The following PIP5K1B variants were observed in gnomAD, a reference collection of about 807,000 sequenced individuals.
The protein encoded by PIP5K1B is phosphatidylinositol-4-phosphate 5-kinase type 1 beta, also known as phosphatidylinositol 4-phosphate 5-kinase type-1 beta.
In PIP5K1B, 42 loss-of-function variants were observed where a neutral mutation model predicts 67.0. That is an observed-to-expected ratio of 0.63 (90% CI 0.49 to 0.81). The LOEUF (loss-of-function observed/expected upper bound fraction) is 0.81. PIP5K1B is among the 30% of genes least tolerant of loss of function. The pLI is 0.00. For synonymous variants in PIP5K1B, 214 were observed against 231.4 expected (o/e 0.92, Z 0.68); for missense variants, 459 against 646.3 (o/e 0.71, Z 3.14).
At chr9:68,757,857 C>T (rs541993404) in intron 2 of PIP5K1B, among the ~76,000 whole-genome samples, 10 of 152,126 alleles carry the variant, frequency 6.6e-5, no homozygotes, top group South Asian at 6.2e-4. Context: ...ACTCTGCCAC[C>T]GAGTGCAGCT....
rs371118986 is a variant in PIP5K1B at position 68,920,280 on chromosome 9, T to C, written c.1116+551T>C. 4.7e-5 allele frequency among the ~76,000 whole-genome samples: 7 copies of C among 148,276 alleles called. No individual in the cohort carries two copies. The South Asian group carries it at 6.7e-4, about 14-fold the overall frequency. On this transcript the variant is annotated intron_variant, in intron 11 of 15. Coordinates refer to ENST00000265382, the MANE Select transcript of PIP5K1B (RefSeq NM_003558.4). ...AGTGTTCAACACAATGCCTAACAAA[T>C]ACACAGAGAAAGTGAAAACTTTTTA...
chr9:68,948,684 C>A (rs987404600), intron 14 of PIP5K1B, among the ~76,000 whole-genome samples: 4 of 143,416 alleles, frequency 2.8e-5, no homozygotes, highest in Middle Eastern at 3.5e-3. Context: ...TATAATATGC[C>A]TGTTAGTTTA....
At chr9:68,776,787 G>A (rs532295135) in intron 2 of PIP5K1B, among the ~76,000 whole-genome samples, 22 of 152,286 alleles carry the variant, frequency 1.4e-4, no homozygotes, top group Middle Eastern at 3.4e-3. Flanking sequence ...GAGTGAAACC[G>A]GAAGGGGGAA....
chr9:68,779,953 C>G (rs1011059901), intron 2 of PIP5K1B: 6 of 563,572 alleles, frequency 1.1e-5, no homozygotes, highest in African/African-American at 5.9e-5. Context: ...CTCCTCGCCC[C>G]TCCCCTACCA....
rs147022066 is a variant in PIP5K1B at position 68,875,295 on chromosome 9, C to CAAAAAAAA, written c.201-1358_201-1351dup. 7.4e-4 allele frequency among the ~76,000 whole-genome samples: 33 copies of CAAAAAAAA among 44,876 alleles called. 2 individuals carry two copies. Among genetic ancestry groups the CAAAAAAAA allele is most frequent in the Admixed American group, 2.4e-3 (6 of 2,538 alleles). The allele number at this position is 44,876 out of a possible 152,430, so 29.4% of individuals were successfully genotyped here. On this transcript the variant is annotated intron_variant, in intron 5 of 15. Transcript: ENST00000265382. ...GCCAGCTCCATCCTCTGGTACTCAG[C>CAAAAAAAA]AAAAAAAAAAAAAAAAAAAAAAAAA... is the stretch of plus-strand genomic sequence containing the variant.
At chr9:68,875,916 G>C (rs1823870585) in intron 5 of PIP5K1B, among the ~76,000 whole-genome samples, 1 of 152,150 alleles carries the variant, frequency 6.6e-6, no homozygotes, top group South Asian at 2.1e-4. Flanking sequence ...TCAACATTTA[G>C]GCCAGTGGAT....
chr9:68,981,853 C>T (rs879253187), intron 14 of PIP5K1B, among the ~76,000 whole-genome samples: 5 of 151,590 alleles, frequency 3.3e-5, no homozygotes, highest in Admixed American at 6.6e-5. Flanking sequence ...GTGCCATTAA[C>T]GTTTTCTCCT....
chr9:68,937,969 G>A (rs1323872316), intron 13 of PIP5K1B, among the ~76,000 whole-genome samples: 2 of 152,234 alleles, frequency 1.3e-5, no homozygotes, highest in Non-Finnish European at 2.9e-5. Context: ...CTGAGAGACT[G>A]TTATGATTTC....
At position 68,917,539 on chromosome 9, in the gene PIP5K1B, C is replaced by A; in HGVS notation, c.772-9C>A. 1 of 1,608,964 alleles carries A rather than the reference C, an allele frequency of 6.2e-7. No homozygotes were observed. Among genetic ancestry groups the A allele is most frequent in the South Asian group, 1.1e-5 (1 of 90,934 alleles). On this transcript the variant is annotated splice_polypyrimidine_tract_variant and intron_variant, in intron 8 of 15. Transcript: ENST00000265382. ...GTTGACTGGCTTCCTGGTTCTTTTTCTCATTCAGGTGCTAGAAAGCTTCAA... is the reference window on the plus strand; with the variant it reads ...GTTGACTGGCTTCCTGGTTCTTTTTATCATTCAGGTGCTAGAAAGCTTCAA...
intron 1 of PIP5K1B, among the ~76,000 whole-genome samples, chr9:68,739,445 C>A (rs1198733685): frequency 6.6e-6 from 1 of 152,136 alleles, no homozygotes; most frequent in Non-Finnish European, 1.5e-5. Context: ...ATTTTGGGTA[C>A]CTTTATTTTG....
chr9:68,733,371 A>G (rs978382325), intron 1 of PIP5K1B, among the ~76,000 whole-genome samples: 6 of 152,082 alleles, frequency 3.9e-5, no homozygotes, highest in African/African-American at 1.2e-4. Flanking sequence ...CTGTTTGTTC[A>G]TTTTGTGTCT....
chr9:68,801,141 A>C (rs1418497515), intron 2 of PIP5K1B, among the ~76,000 whole-genome samples: 1 of 152,036 alleles, frequency 6.6e-6, no homozygotes, highest in Non-Finnish European at 1.5e-5. Context: ...AGGCAAATTT[A>C]ATTTGTGTGT....
chr9:68,858,224 T>G (rs559362957), intron 4 of PIP5K1B, among the ~76,000 whole-genome samples: 3 of 152,240 alleles, frequency 2.0e-5, no homozygotes, highest in South Asian at 4.1e-4. Flanking sequence ...TCCACCCTCC[T>G]CAGCCTCCCA....
At chr9:68,968,715 A>ATTT (rs1554749541) in intron 14 of PIP5K1B, among the ~76,000 whole-genome samples, 19 of 142,220 alleles carry the variant, frequency 1.3e-4, no homozygotes, top group South Asian at 4.4e-4. Context: ...ATATATATAT[A>ATTT]TTTTTTTTTT....
At chr9:68,718,233 A>C (rs923083614) in intron 1 of PIP5K1B, among the ~76,000 whole-genome samples, 12 of 151,586 alleles carry the variant, frequency 7.9e-5, no homozygotes, top group African/African-American at 2.4e-4. Flanking sequence ...TTTGAGTTGG[A>C]CAAAAGTGAC....
intron 4 of PIP5K1B, chr9:68,824,146 A>C (rs553315090): frequency 2.9e-5 from 15 of 519,046 alleles, no homozygotes; most frequent in South Asian, 1.8e-4. Context: ...TTCCGTGTAC[A>C]TTCATTCAAG....
intron 2 of PIP5K1B, chr9:68,788,974 T>C (rs1831798800): frequency 5.9e-6 from 2 of 338,810 alleles, no homozygotes; most frequent in Non-Finnish European, 1.1e-5. Flanking sequence ...GAAGCTGATA[T>C]CATCCAACCA....
At chr9:68,771,520 A>C (rs1830669864) in intron 2 of PIP5K1B, among the ~76,000 whole-genome samples, 1 of 152,200 alleles carries the variant, frequency 6.6e-6, no homozygotes, top group Non-Finnish European at 1.5e-5. Context: ...CTGGGCTCAA[A>C]TTCCTCTACT....
At chr9:68,739,122 T>C (rs557562970) in intron 1 of PIP5K1B, among the ~76,000 whole-genome samples, 1 of 152,396 alleles carries the variant, frequency 6.6e-6, no homozygotes, top group African/African-American at 2.4e-5. Context: ...TTGATTCTGC[T>C]GTAATCTTTA....
Sources: allele counts gnomAD v4.1 joint callset (sites outside exome capture counted in the v4.1 genomes callset), GRCh38; gene constraint gnomAD v4.1.1; transcripts MANE v1.5; gene names NCBI Gene and HGNC (gene_info 2026-07-23, HGNC 2026-07-21).